CNTN5: variants seen among roughly 807,000 people sequenced by gnomAD.
The protein encoded by CNTN5 is contactin 5.
Under a neutral mutation model 129.1 loss-of-function variants are expected in CNTN5, and 77 were observed. The ratio of observed to expected loss-of-function variants is 0.60; its 90% CI spans 0.50 to 0.72. The LOEUF is 0.72. CNTN5 is among the 30% of genes least tolerant of loss of function. CNTN5 has a pLI of 0.00. For missense variants in CNTN5, 1,478 were observed against 1,328.8 expected, an observed-to-expected ratio of 1.11 and a Z score of -1.75; for synonymous variants, 509 against 465.6, an observed-to-expected ratio of 1.09 and a Z score of -1.20.
intron 6 of CNTN5, among the ~76,000 whole-genome samples, chr11:99,900,251 C>A (rs1949319870): frequency 1.3e-5 from 2 of 150,624 alleles, no homozygotes; most frequent in South Asian, 4.2e-4. Flanking sequence ...TTTCTGCTAC[C>A]TTTCATTTGT....
intron 1 of CNTN5, among the ~76,000 whole-genome samples, chr11:99,165,956 T>C (rs1367464549): frequency 6.6e-6 from 1 of 152,198 alleles, no homozygotes; most frequent in East Asian, 1.9e-4. Context: ...TAATCCACCT[T>C]TAAATTTTGT....
At chr11:100,136,399 G>GTTCT (rs1212060529) in intron 13 of CNTN5, among the ~76,000 whole-genome samples, 2 of 152,046 alleles carry the variant, frequency 1.3e-5, no homozygotes, top group African/African-American at 2.4e-5. Context: ...ATTTATGCCA[G>GTTCT]TTCTTTTGCT....
At chr11:99,415,220 C>A (rs1454051496) in intron 2 of CNTN5, among the ~76,000 whole-genome samples, 1 of 152,062 alleles carries the variant, frequency 6.6e-6, no homozygotes, top group Admixed American at 6.6e-5. Flanking sequence ...ACACGTTGAA[C>A]CTTCAGATTG....
At chr11:100,196,589 A>C (rs934354661) in intron 15 of CNTN5, among the ~76,000 whole-genome samples, 9 of 152,172 alleles carry the variant, frequency 5.9e-5, no homozygotes, top group Admixed American at 5.9e-4. Context: ...TGATCACATC[A>C]GGCTAAAAAA....
At chr11:99,162,996 A>G (rs1464819993) in intron 1 of CNTN5, among the ~76,000 whole-genome samples, 1 of 152,112 alleles carries the variant, frequency 6.6e-6, no homozygotes, top group South Asian at 2.1e-4. Context: ...GATATGCGAC[A>G]CTCTGCTTTT....
At chr11:99,324,575 C>T (rs1437752380) in intron 1 of CNTN5, among the ~76,000 whole-genome samples, 2 of 152,020 alleles carry the variant, frequency 1.3e-5, no homozygotes, top group Admixed American at 6.6e-5. Flanking sequence ...CAATAATCTA[C>T]CAAAGATTAA....
chr11:99,644,016 A>C (rs1028894432), intron 3 of CNTN5, among the ~76,000 whole-genome samples: 1 of 137,306 alleles, frequency 7.3e-6, no homozygotes, highest in African/African-American at 2.6e-5. Context: ...TTTTACCCTT[A>C]AAATATTTTG....
intron 13 of CNTN5, among the ~76,000 whole-genome samples, chr11:100,113,147 C>A (rs1333963629): frequency 6.6e-6 from 1 of 151,736 alleles, no homozygotes. Context: ...GACAACTGTT[C>A]TGTATCTGTG....
intron 3 of CNTN5, among the ~76,000 whole-genome samples, chr11:99,625,998 A>G (rs117951745): frequency 8.5e-4 from 129 of 152,092 alleles, no homozygotes; most frequent in Admixed American, 1.8e-3. Context: ...ATAAAAGGAG[A>G]TCAAAGCAGG....
intron 1 of CNTN5, among the ~76,000 whole-genome samples, chr11:99,056,814 G>T (rs1864642831): frequency 6.6e-6 from 1 of 152,020 alleles, no homozygotes; most frequent in Non-Finnish European, 1.5e-5. Context: ...TTATGTCCAA[G>T]AAAACATTAG....
At chr11:99,111,872 G>A (rs115997326) in intron 1 of CNTN5, among the ~76,000 whole-genome samples, 2,048 of 152,000 alleles carry the variant, frequency 0.013, 50 homozygotes, top group African/African-American at 0.046. Context: ...ACTTGAATTA[G>A]CATGACCCTA....
chr11:99,832,333 A>G (rs1284766595), intron 4 of CNTN5, among the ~76,000 whole-genome samples: 1 of 152,174 alleles, frequency 6.6e-6, no homozygotes, highest in Non-Finnish European at 1.5e-5. Context: ...CATCAACCTA[A>G]CACATGGAGT....
chr11:99,339,437 G>C (rs192598158), intron 2 of CNTN5, among the ~76,000 whole-genome samples: 22 of 152,106 alleles, frequency 1.4e-4, no homozygotes, highest in African/African-American at 5.3e-4. Context: ...AGAATGTAAG[G>C]GTGCCAGTCA....
At chr11:99,975,290 T>TA (rs1937871369) in intron 8 of CNTN5, among the ~76,000 whole-genome samples, 1 of 152,150 alleles carries the variant, frequency 6.6e-6, no homozygotes, top group East Asian at 1.9e-4. Context: ...TTTTGGAGCT[T>TA]ACGTTTTAAT....
intron 1 of CNTN5, among the ~76,000 whole-genome samples, chr11:99,101,738 G>T (rs1034736655): frequency 1.3e-5 from 2 of 152,168 alleles, no homozygotes; most frequent in Non-Finnish European, 2.9e-5. Context: ...GCAGGATAGA[G>T]CCTGCCTCCC....
chr11:99,160,651 CCAT>C (rs1860564229), intron 1 of CNTN5, among the ~76,000 whole-genome samples: 1 of 152,116 alleles, frequency 6.6e-6, no homozygotes, highest in Admixed American at 6.6e-5. Flanking sequence ...TGCAGACTTG[CCAT>C]CTAGTGATGA....
intron 9 of CNTN5, among the ~76,000 whole-genome samples, chr11:100,044,994 T>C (rs906471932): frequency 3.3e-5 from 5 of 152,236 alleles, no homozygotes; most frequent in Middle Eastern, 3.4e-3. Context: ...TTAGGTCTCC[T>C]TTTTTCTCAG....
intron 1 of CNTN5, among the ~76,000 whole-genome samples, chr11:99,037,181 C>T (rs1300978187): frequency 1.3e-5 from 2 of 152,162 alleles, no homozygotes; most frequent in Admixed American, 1.3e-4. Flanking sequence ...TTCTGAATAT[C>T]ACTCACTCAA....
rs577703709 is a variant in CNTN5, at chr11:99,343,549, G to T, written c.-71+18065G>T. Among the ~76,000 whole-genome samples the T allele has an allele frequency of 2.6e-5, 4 of 152,208 alleles. No homozygotes were observed. The East Asian group carries it at 5.8e-4, about 22-fold the overall frequency. ...TGTCCATTCTCAGTTTTAGTAAAAAGCCCTGTGCATAGTTTTAAGATAATC... is the reference window on the plus strand; with the variant it reads ...TGTCCATTCTCAGTTTTAGTAAAAATCCCTGTGCATAGTTTTAAGATAATC... On this transcript the variant is annotated intron_variant, in intron 2 of 24. Coordinates refer to ENST00000524871, the MANE Select transcript of CNTN5 (RefSeq NM_014361.4).
Sources: gnomAD v4.1 joint callset for allele counts (sites outside exome capture counted in the v4.1 genomes callset) on GRCh38, gnomAD v4.1.1 for gene constraint, MANE v1.5 for transcripts, NCBI Gene and HGNC (gene_info 2026-07-23, HGNC 2026-07-21) for gene names.